GYPE: variants seen among roughly 807,000 people sequenced by gnomAD.
The protein encoded by GYPE is glycophorin-E.
In GYPE, 8 loss-of-function variants were observed where a neutral mutation model predicts 11.6. That is an observed-to-expected ratio of 0.69 (90% CI 0.41 to 1.25). GYPE has a LOEUF of 1.25. Among genes scored for constraint, GYPE ranks in the 50% most tolerant of loss-of-function variants. GYPE has a pLI of 0.01. For missense variants in GYPE, 90 were observed against 92.8 expected, an observed-to-expected ratio of 0.97 and a Z score of 0.12; for synonymous variants, 28 against 29.6, an observed-to-expected ratio of 0.94 and a Z score of 0.18.
chr4:143,878,681 TA>T (rs1389776767), intron 2 of GYPE: 1 of 492,242 alleles, frequency 2.0e-6, no homozygotes, highest in African/African-American at 2.0e-5. Flanking sequence ...CTTTCTCCTA[TA>T]AAGCGAAATT....
chr4:143,893,930 C>T lies in GYPE; in HGVS notation c.37+11541G>A, dbSNP rs549527052. 1.1e-3 allele frequency among the ~76,000 whole-genome samples: 168 copies of T among 152,244 alleles called. 2 individuals are homozygous for T. Among genetic ancestry groups the T allele is most frequent in the African/African-American group, 3.7e-3 (152 of 41,532 alleles). ...TTTTCCAACTTGTTTCCATTCTCCC[C>T]ATCACTTTCAGGTACACCAATAAGA... On this transcript the variant is annotated intron_variant, in intron 1 of 3. Coordinates refer to ENST00000358615, the MANE Select transcript of GYPE (RefSeq NM_198682.3).
intron 1 of GYPE, among the ~76,000 whole-genome samples, chr4:143,897,428 C>T (rs12509374): frequency 0.24 from 36,546 of 151,734 alleles, 5,499 homozygotes; most frequent in South Asian, 0.32. Context: ...ATGACTGTGC[C>T]GTTGCAGTCC....
At chr4:143,875,961 G>A (rs1438284857) in intron 3 of GYPE, among the ~76,000 whole-genome samples, 1 of 150,458 alleles carries the variant, frequency 6.6e-6, no homozygotes, top group African/African-American at 2.5e-5. Context: ...GGGTGACAGA[G>A]GGAAACTCTG....
In GYPE at chr4:143,872,172, A is replaced by T. The variant is rs368018241; in HGVS notation, c.*90T>A. 1 of 152,550 alleles carries T rather than the reference A, an allele frequency of 6.6e-6. No individual in the cohort carries two copies. Among genetic ancestry groups the T allele is most frequent in the Non-Finnish European group, 1.5e-5 (1 of 68,026 alleles). 9.4% of individuals were successfully genotyped at this position (152,550 alleles called of 1,614,324 possible). A position where few individuals can be genotyped will look rare whatever the true frequency, so the allele number is the denominator to read the frequency against. On this transcript the variant is annotated 3_prime_UTR_variant, in exon 4 of 4. Transcript: ENST00000358615. Reference sequence around the variant, plus strand: ...TAGTAGCTACAGCCGTCAGGCACACAATTACACCATGAACAGTGAAGTAAA... The same window carrying T: ...TAGTAGCTACAGCCGTCAGGCACACTATTACACCATGAACAGTGAAGTAAA...
chr4:143,896,917 A>C (rs972625487), intron 1 of GYPE, among the ~76,000 whole-genome samples: 2 of 152,058 alleles, frequency 1.3e-5, no homozygotes, highest in African/African-American at 4.8e-5. Context: ...ACAAAAAACC[A>C]AACACCGCAT....
intron 2 of GYPE, 32 bp downstream of exon 2, chr4:143,880,379 G>A (rs1743976315): frequency 6.2e-7 from 1 of 1,613,656 alleles, no homozygotes; most frequent in Non-Finnish European, 8.5e-7. Context: ...CGATTTCGGA[G>A]CCACAATTTA....
chr4:143,895,687 C>A (rs1744601875), intron 1 of GYPE, among the ~76,000 whole-genome samples: 1 of 136,626 alleles, frequency 7.3e-6, no homozygotes. Flanking sequence ...AAAAAAGAGC[C>A]CGCATTGCCA....
At chr4:143,894,209 G>A (rs193123653) in intron 1 of GYPE, among the ~76,000 whole-genome samples, 5 of 150,794 alleles carry the variant, frequency 3.3e-5, no homozygotes, top group Non-Finnish European at 7.4e-5. Context: ...TTATACATTC[G>A]TCTAAACTTT....
At chr4:143,894,173 G>A (rs1744527719) in intron 1 of GYPE, among the ~76,000 whole-genome samples, 1 of 151,488 alleles carries the variant, frequency 6.6e-6, no homozygotes, top group Admixed American at 6.6e-5. Flanking sequence ...GCTCCTTTAA[G>A]CACTTCTCTG....
chr4:143,875,522 G>C, intron 3 of GYPE: 1 of 1,550,488 alleles, frequency 6.4e-7, no homozygotes. Context: ...GTGATAAAAA[G>C]ACAGAAGTTT....
rs776849192 is a variant in GYPE, at chr4:143,876,864, G to A, written c.137-9C>T. The A allele has an allele frequency of 3.2e-6, 5 of 1,540,132 alleles. No individual in the cohort carries two copies. Among genetic ancestry groups the A allele is most frequent in the Non-Finnish European group, 1.8e-6 (2 of 1,113,694 alleles). On this transcript the variant is annotated splice_polypyrimidine_tract_variant and intron_variant, in intron 2 of 3. Coordinates refer to ENST00000358615, the MANE Select transcript of GYPE (RefSeq NM_198682.3). ...ATTAATGAGTGTTATCCCTACAGGA[G>A]ATAAAGAGAGCGGCAAAATTATGAA... is the stretch of plus-strand genomic sequence containing the variant.
chr4:143,885,576 A>G (rs547365438), intron 1 of GYPE, among the ~76,000 whole-genome samples: 31 of 152,236 alleles, frequency 2.0e-4, no homozygotes, highest in African/African-American at 7.5e-4. Flanking sequence ...TGGCTTTAAA[A>G]TTTGTCCTAA....
intron 1 of GYPE, among the ~76,000 whole-genome samples, 188 bp downstream of exon 1, chr4:143,905,283 G>C (rs1745016536): frequency 2.0e-5 from 3 of 152,028 alleles, no homozygotes; most frequent in Non-Finnish European, 4.4e-5. Flanking sequence ...CATAAATACT[G>C]GGCTCCCTTG....
intron 1 of GYPE, among the ~76,000 whole-genome samples, chr4:143,891,065 A>C (rs576850711): frequency 3.3e-5 from 5 of 152,142 alleles, no homozygotes; most frequent in Non-Finnish European, 7.3e-5. Flanking sequence ...GAGAGCCCTT[A>C]GTACAAGTAT....
chr4:143,900,269 C>A (rs1744811061), intron 1 of GYPE, among the ~76,000 whole-genome samples: 1 of 124,300 alleles, frequency 8.0e-6, no homozygotes, highest in Non-Finnish European at 1.7e-5. Flanking sequence ...TCTGAAATGG[C>A]TATAATTAAA....
rs184307256 is a variant in GYPE, at chr4:143,876,557, C to T, written c.*9+189G>A. Among the ~76,000 whole-genome samples the T allele has an allele frequency of 3.7e-3, 566 of 152,174 alleles. 6 individuals carry two copies. Among genetic ancestry groups the T allele is most frequent in the Middle Eastern group, 0.014 (4 of 294 alleles). ...GGACAGATTTATATTTAGAGGCTCCCTTTAATTGGGCAAATGCAAAAAATA... is the reference window on the plus strand; with the variant it reads ...GGACAGATTTATATTTAGAGGCTCCTTTTAATTGGGCAAATGCAAAAAATA... On this transcript the variant is annotated intron_variant, in intron 3 of 3. Coordinates refer to ENST00000358615, the MANE Select transcript of GYPE (RefSeq NM_198682.3).
rs564892393 is a variant in GYPE at position 143,875,465 on chromosome 4, T to C, written c.*9+1281A>G. 8.3e-5 allele frequency: 128 copies of C among 1,550,918 alleles called. 3 individuals are homozygous for C. Among genetic ancestry groups the C allele is most frequent in the African/African-American group, 8.2e-4 (60 of 73,120 alleles). On this transcript the variant is annotated intron_variant, in intron 3 of 3. Transcript: ENST00000358615. ...TAAGCAAGAGAACAGCAGGTGCAGC[T>C]GGTTCTAGGCAAGATCAGGCAGCAT...
chr4:143,892,659 A>G (rs1250262055), intron 1 of GYPE, among the ~76,000 whole-genome samples: 2 of 152,010 alleles, frequency 1.3e-5, no homozygotes, highest in East Asian at 3.9e-4. Context: ...GTTTGATTGC[A>G]CTGTGGTCTG....
intron 1 of GYPE, among the ~76,000 whole-genome samples, chr4:143,895,284 A>C (rs1166004285): frequency 2.0e-5 from 3 of 152,218 alleles, no homozygotes; most frequent in African/African-American, 7.2e-5. Flanking sequence ...AATCTCCTTA[A>C]GCTGATAAGC....
Sources: allele counts gnomAD v4.1 joint callset (sites outside exome capture counted in the v4.1 genomes callset), GRCh38; gene constraint gnomAD v4.1.1; transcripts MANE v1.5; gene names NCBI Gene and HGNC (gene_info 2026-07-23, HGNC 2026-07-21).